The following SMAD9 variants were observed in gnomAD, a reference collection of about 807,000 sequenced individuals.
SMAD9 encodes the protein SMAD family member 9, also known as MAD homolog 9.
Under a neutral mutation model 46.1 loss-of-function variants are expected in SMAD9, and 36 were observed. The observed-to-expected ratio is 0.78, with a 90% confidence interval of 0.60 to 1.03. SMAD9 has a LOEUF of 1.03. SMAD9 is among the 50% of genes least tolerant of loss of function. SMAD9 has a pLI of 0.00. For missense variants in SMAD9, 572 were observed against 599.8 expected, an observed-to-expected ratio of 0.95 and a Z score of 0.48; for synonymous variants, 245 against 237.1, an observed-to-expected ratio of 1.03 and a Z score of -0.31.
chr13:36,853,724 G>T, intron 5 of SMAD9, 49 bp from the exon 6 acceptor site: 1 of 1,605,204 alleles, frequency 6.2e-7, no homozygotes, highest in Non-Finnish European at 8.5e-7. Context: ...TTCATAGCGT[G>T]CCTCTCCCAC....
At position 36,847,685 on chromosome 13, in the gene SMAD9, G is replaced by C. The variant is rs886050162; in HGVS notation, c.*991C>G. ...AATATTTGCCAAGAGGCAGGAAAAC[G>C]TGGCGAAAGAGTGCCCTTCCCAGGA... On this transcript the variant is annotated 3_prime_UTR_variant, in exon 7 of 7. Transcript: ENST00000379826. The C allele has an allele frequency of 6.6e-6, 1 of 152,230 alleles. No homozygotes were observed. Among genetic ancestry groups the C allele is most frequent in the Non-Finnish European group, 1.5e-5 (1 of 68,048 alleles). The allele number at this position is 152,230 out of a possible 1,614,324, so 9.4% of individuals were successfully genotyped here. A position where few individuals can be genotyped will look rare whatever the true frequency, so the allele number is the denominator to read the frequency against.
chr13:36,853,924 C>T (rs1057129954), intron 5 of SMAD9, among the ~76,000 whole-genome samples: 1 of 152,112 alleles, frequency 6.6e-6, no homozygotes, highest in African/African-American at 2.4e-5. Context: ...TTTGGAAGCC[C>T]GACGTGGGCA....
intron 1 of SMAD9, among the ~76,000 whole-genome samples, chr13:36,896,541 G>T (rs2058530284): frequency 6.6e-6 from 1 of 151,992 alleles, no homozygotes; most frequent in African/African-American, 2.4e-5. Flanking sequence ...CTTCTACAAT[G>T]CATATCTGAT....
chr13:36,901,904 A>G (rs930994561), intron 1 of SMAD9, among the ~76,000 whole-genome samples: 1 of 152,248 alleles, frequency 6.6e-6, no homozygotes, highest in African/African-American at 2.4e-5. Flanking sequence ...GTGGATATAT[A>G]GACCCTGAGA....
intron 1 of SMAD9, among the ~76,000 whole-genome samples, chr13:36,905,795 A>AC: frequency 2.4e-5 from 2 of 85,018 alleles, no homozygotes; most frequent in South Asian, 7.3e-4. Flanking sequence ...AAAAAAAAAA[A>AC]AAAAAAAAAA....
In SMAD9 at chr13:36,895,572, T is replaced by C. The variant is rs576727199; in HGVS notation, c.-186-15697A>G. Among the ~76,000 whole-genome samples, 4 of 152,348 alleles carry C rather than the reference T, an allele frequency of 2.6e-5. No individual in the cohort carries two copies. The South Asian group carries it at 8.3e-4, about 32-fold the overall frequency. Reference sequence around the variant, plus strand: ...TCTGTAGAGAACCACTGATATAGCATAAATCCTGATTCTGCTCAATAATCA... The same window carrying C: ...TCTGTAGAGAACCACTGATATAGCACAAATCCTGATTCTGCTCAATAATCA... On this transcript the variant is annotated intron_variant, in intron 1 of 6. Transcript: ENST00000379826.
chr13:36,878,818 G>C (rs2058371866), intron 2 of SMAD9, among the ~76,000 whole-genome samples: 1 of 152,120 alleles, frequency 6.6e-6, no homozygotes, highest in African/African-American at 2.4e-5. Flanking sequence ...CCAAGAACTG[G>C]TAAAAGATTA....
chr13:36,906,392 T>A (rs1191220110), intron 1 of SMAD9, among the ~76,000 whole-genome samples: 4 of 152,080 alleles, frequency 2.6e-5, no homozygotes, highest in South Asian at 4.1e-4. Context: ...TGGAAAAAAA[T>A]GCAGTTTCTC....
At position 36,905,047 on chromosome 13, in the gene SMAD9, G is replaced by A. The variant is rs552471803; in HGVS notation, c.-187+15069C>T. Among the ~76,000 whole-genome samples, 32 of 152,312 alleles carry A rather than the reference G, an allele frequency of 2.1e-4. 1 individual carries two copies. The South Asian group carries it at 6.0e-3, about 29-fold the overall frequency. On this transcript the variant is annotated intron_variant, in intron 1 of 6. Transcript: ENST00000379826. Reference sequence around the variant, plus strand: ...CTGAGCACTGAGGGAAGACGGAGATGATTTTGCCCCCCACGGGACATCTGG... The same window carrying A: ...CTGAGCACTGAGGGAAGACGGAGATAATTTTGCCCCCCACGGGACATCTGG...
intron 1 of SMAD9, among the ~76,000 whole-genome samples, chr13:36,916,019 C>G (rs1042599614): frequency 2.0e-5 from 3 of 152,052 alleles, no homozygotes; most frequent in Non-Finnish European, 2.9e-5. Flanking sequence ...TAGTATTGTT[C>G]GATAATAGAA....
In SMAD9 at chr13:36,848,777, G is replaced by T. The variant is rs761755618; in HGVS notation, c.1303C>A (p.Pro435Thr). Residue 435 changes from proline (P) to threonine (T), a missense_variant, in exon 7 of 7, where the codon CCC (proline) becomes ACC (threonine). By Grantham distance (38) the Pro-to-Thr change is conservative. Coordinates refer to ENST00000379826, the MANE Select transcript of SMAD9 (RefSeq NM_001127217.3). ...EYHRQDVTST[P>T]CWIEIHLHGP... ...TGAAGATGAATCTCAATCCAGCAGG[G>T]GGTGCTGGTGACATCCTGGCGATGA... 6.2e-6 allele frequency: 10 copies of T among 1,613,424 alleles called. No homozygotes were observed. The highest frequency in any genetic ancestry group is 8.5e-6 in the Non-Finnish European group (10 of 1,179,510).
intron 5 of SMAD9, among the ~76,000 whole-genome samples, chr13:36,864,613 A>G (rs518105): frequency 0.22 from 33,703 of 152,170 alleles, 4,778 homozygotes; most frequent in African/African-American, 0.4. Context: ...AAATAAACAT[A>G]AAGTAACTGT....
chr13:36,903,484 G>C (rs2058594837), intron 1 of SMAD9, among the ~76,000 whole-genome samples: 1 of 152,170 alleles, frequency 6.6e-6, no homozygotes, highest in African/African-American at 2.4e-5. Context: ...GCTATTGTGT[G>C]CAAGTCAGTC....
chr13:36,884,582 C>A (rs553156835), intron 1 of SMAD9, among the ~76,000 whole-genome samples: 2 of 152,186 alleles, frequency 1.3e-5, no homozygotes, highest in Admixed American at 6.5e-5. Context: ...CATGCATACA[C>A]CATGATTTAA....
At chr13:36,888,318 C>T (rs1051600894) in intron 1 of SMAD9, among the ~76,000 whole-genome samples, 1 of 152,100 alleles carries the variant, frequency 6.6e-6, no homozygotes, top group African/African-American at 2.4e-5. Context: ...CTCGCACTTC[C>T]CCCTTCTCTC....
At chr13:36,900,679 A>C (rs1280543408) in intron 1 of SMAD9, among the ~76,000 whole-genome samples, 1 of 130,340 alleles carries the variant, frequency 7.7e-6, no homozygotes, top group Non-Finnish European at 1.6e-5. Flanking sequence ...AACTATCATT[A>C]TGACTACACA....
intron 6 of SMAD9, chr13:36,851,969 G>GAAA: frequency 1.3e-5 from 11 of 862,480 alleles, no homozygotes; most frequent in Non-Finnish European, 1.5e-5. Context: ...CACAGACCCG[G>GAAA]AAAAAAAAAA....
At chr13:36,877,503 G>A (rs2058356673) in intron 2 of SMAD9, among the ~76,000 whole-genome samples, 2 of 151,988 alleles carry the variant, frequency 1.3e-5, no homozygotes, top group African/African-American at 4.8e-5. Context: ...AGACAGAAAT[G>A]ATTTATTAAT....
At chr13:36,859,404 T>C (rs1402698690) in intron 5 of SMAD9, among the ~76,000 whole-genome samples, 1 of 152,074 alleles carries the variant, frequency 6.6e-6, no homozygotes, top group South Asian at 2.1e-4. Flanking sequence ...CCCAGACGGG[T>C]AGGCATTCTA....
Sources: allele counts gnomAD v4.1 joint callset (sites outside exome capture counted in the v4.1 genomes callset), GRCh38; gene constraint gnomAD v4.1.1; transcripts MANE v1.5; gene names NCBI Gene and HGNC (gene_info 2026-07-23, HGNC 2026-07-21).